The following PGK1 variants were observed in gnomAD, a reference collection of about 807,000 sequenced individuals.
PGK1 encodes phosphoglycerate kinase 1.
In PGK1, 3 loss-of-function variants were observed where a neutral mutation model predicts 26.9. The observed-to-expected ratio is 0.11, with a 90% CI of 0.05 to 0.29. PGK1 has a LOEUF of 0.29. Ranked by LOEUF, PGK1 falls within the 10% of genes least tolerant of loss-of-function variation. PGK1 has a pLI of 1.00. For missense variants in PGK1, 270 were observed against 314.7 expected (o/e 0.86, Z 1.07); for synonymous variants, 125 against 115.3 (o/e 1.08, Z -0.54).
intron 6 of PGK1, among the ~76,000 whole-genome samples, chrX:78,121,420 G>A (rs1440907121): frequency 8.9e-6 from 1 of 112,190 alleles, no homozygotes; most frequent in Non-Finnish European, 1.9e-5. Context: ...GTGTGTGTGT[G>A]TGTGTATTTA....
rs973557946 is a variant in PGK1 at position 78,126,020 on chromosome X, A to C, written c.*190A>C. 2 of 477,628 alleles carry C rather than the reference A, an allele frequency of 4.2e-6. No individual in the cohort carries two copies. The highest frequency in any genetic ancestry group is 4.7e-5 in the African/African-American group (2 of 42,427). 39.4% of individuals were successfully genotyped at this position (477,628 alleles called of 1,213,427 possible). A position where few individuals can be genotyped will look rare whatever the true frequency, so the allele number is the denominator to read the frequency against. On this transcript the variant is annotated 3_prime_UTR_variant, in exon 11 of 11. Transcript: ENST00000373316. ...TTCACTGCACCCTGGATTTGCATAC[A>C]TTCTTCAAGATCCCATTTGAATTTT...
intron 8 of PGK1, 124 bp downstream of exon 8, chrX:78,123,498 C>T (rs1234891569): frequency 5.1e-5 from 29 of 569,269 alleles, no homozygotes; most frequent in Non-Finnish European, 6.9e-5. Context: ...TCAGAGAGGG[C>T]TCTGCATGTT....
In PGK1 at chrX:78,113,937, G is replaced by A. The variant is rs202119473; in HGVS notation, c.272+38G>A. Reference sequence around the variant, plus strand: ...CTCTGGTGCTGGTAGACTTTGTGGCGGGGGAAGTTGTCAAGCACGTTGTTA... The same window carrying A: ...CTCTGGTGCTGGTAGACTTTGTGGCAGGGGAAGTTGTCAAGCACGTTGTTA... On this transcript the variant is annotated intron_variant, in intron 3 of 10. Coordinates refer to ENST00000373316, the MANE Select transcript of PGK1 (RefSeq NM_000291.4). The A allele has an allele frequency of 1.5e-5, 18 of 1,205,096 alleles. No homozygotes were observed. In the African/African-American group the frequency reaches 1.9e-4, roughly 13 times the overall value.
At chrX:78,112,142 C>G (rs1438276494) in intron 2 of PGK1, among the ~76,000 whole-genome samples, 1 of 111,666 alleles carries the variant, frequency 9.0e-6, no homozygotes, top group African/African-American at 3.3e-5. Context: ...CATTTTTGTC[C>G]TCAAAAGTAG....
Position 78,118,129 on chromosome X carries a change from C to T in PGK1, c.600C>T (p.Ala200=). The T allele has an allele frequency of 1.7e-6, 2 of 1,209,898 alleles. No individual in the cohort carries two copies. The highest frequency in any genetic ancestry group is 2.2e-6 in the Non-Finnish European group (2 of 894,187). Reference sequence around the variant, plus strand: ...AGGAGCTGAACTACTTTGCAAAGGCCTTGGAGAGCCCAGAGCGACCCTTCC... The same window carrying T: ...AGGAGCTGAACTACTTTGCAAAGGCTTTGGAGAGCCCAGAGCGACCCTTCC... ...MKKELNYFAK[A]LESPERPFLA... The change falls in exon 6 of 11, where the codon GCC becomes GCT. Residue 200 remains alanine, a synonymous_variant. Transcript: ENST00000373316.
At chrX:78,120,526 A>T (rs1428105591) in intron 6 of PGK1, among the ~76,000 whole-genome samples, 1 of 108,649 alleles carries the variant, frequency 9.2e-6, no homozygotes, top group Non-Finnish European at 1.9e-5. Context: ...ACAGGGTCTC[A>T]CTCTGCTGCC....
intron 2 of PGK1, among the ~76,000 whole-genome samples, chrX:78,110,950 T>C (rs2149130811): frequency 9.6e-6 from 1 of 104,097 alleles, no homozygotes; most frequent in East Asian, 3.1e-4. Flanking sequence ...TTACTTTCTT[T>C]TTAATTTTTT....
chrX:78,121,566 C>T (rs184374178), intron 6 of PGK1, among the ~76,000 whole-genome samples: 96 of 112,496 alleles, frequency 8.5e-4, no homozygotes, highest in African/African-American at 3.0e-3. Flanking sequence ...TAGGGTTTCT[C>T]ACTGGATAGG....
At chrX:78,112,911 G>A (rs188883885) in intron 2 of PGK1, among the ~76,000 whole-genome samples, 23 of 112,374 alleles carry the variant, frequency 2.0e-4, no homozygotes, top group Non-Finnish European at 3.4e-4. Context: ...ATTGTCTGCA[G>A]TGTTTCTGCC....
chrX:78,125,038 C>T lies in PGK1; in HGVS notation c.1101C>T (p.Cys367=). 1 of 1,206,794 alleles carries T rather than the reference C, an allele frequency of 8.3e-7. No homozygotes were observed. Among genetic ancestry groups the T allele is most frequent in the South Asian group, 1.8e-5 (1 of 56,857 alleles). Residue 367 remains cysteine, a synonymous_variant, in exon 9 of 11, where the codon TGC becomes TGT. Coordinates refer to ENST00000373316, the MANE Select transcript of PGK1 (RefSeq NM_000291.4). ...TGGTGAAAGCCACTTCTAGGGGCTGCATCACCATCATAGGTAAGCGGTCCT... is the reference window on the plus strand; with the variant it reads ...TGGTGAAAGCCACTTCTAGGGGCTGTATCACCATCATAGGTAAGCGGTCCT... ...DEVVKATSRG[C]ITIIGGGDTA...
rs781945022 is a variant in PGK1, at chrX:78,116,784, C to T, written c.418-528C>T. Among the ~76,000 whole-genome samples, 3 of 112,093 alleles carry T rather than the reference C, an allele frequency of 2.7e-5. No individual in the cohort carries two copies. The East Asian group carries it at 8.4e-4, about 31-fold the overall frequency. ...AGAAGGTCATAAAATACCTTTTTGTCAATGTGAAGTGTTTCTGAGGTTCTT... is the reference window on the plus strand; with the variant it reads ...AGAAGGTCATAAAATACCTTTTTGTTAATGTGAAGTGTTTCTGAGGTTCTT... On this transcript the variant is annotated intron_variant, in intron 4 of 10. Transcript: ENST00000373316.
chrX:78,113,445 C>G (rs937228282), intron 2 of PGK1, among the ~76,000 whole-genome samples: 2 of 112,004 alleles, frequency 1.8e-5, no homozygotes, highest in Non-Finnish European at 3.8e-5. Context: ...AGCCAAGTTC[C>G]CAGATACCAG....
intron 2 of PGK1, among the ~76,000 whole-genome samples, chrX:78,111,468 C>T (rs781833270): frequency 8.9e-6 from 1 of 111,948 alleles, no homozygotes; most frequent in Non-Finnish European, 1.9e-5. Context: ...ACAATGTGAG[C>T]CAAATTGTGT....
intron 6 of PGK1, among the ~76,000 whole-genome samples, chrX:78,120,994 C>G (rs1369740263): frequency 2.7e-5 from 3 of 111,993 alleles, no homozygotes; most frequent in African/African-American, 9.7e-5. Flanking sequence ...ATGATATTTC[C>G]TTTGAGCTCA....
chrX:78,125,649 C>A (rs782669092), intron 10 of PGK1, 141 bp from the exon 11 acceptor site: 159 of 619,493 alleles, frequency 2.6e-4, no homozygotes, highest in Non-Finnish European at 4.3e-4. Context: ...ACCTGGAATC[C>A]ACAATGTAAA....
Position 78,118,128 on chromosome X carries a change from C to T in PGK1, c.599C>T (p.Ala200Val), listed in dbSNP as rs1424861143. Residue 200 changes from alanine to valine, a missense_variant, in exon 6 of 11, where the codon GCC becomes GTC. Transcript: ENST00000373316. ...MKKELNYFAK[A>V]LESPERPFLA... ...AAGGAGCTGAACTACTTTGCAAAGG[C>T]CTTGGAGAGCCCAGAGCGACCCTTC... 1 of 1,209,261 alleles carries T rather than the reference C, an allele frequency of 8.3e-7. No individual in the cohort carries two copies. The highest frequency in any genetic ancestry group is 1.7e-5 in the African/African-American group (1 of 57,666).
chrX:78,104,486 GCTCTAAGTT>G, intron 1 of PGK1, 81 bp downstream of exon 1: 1 of 776,440 alleles, frequency 1.3e-6, no homozygotes, highest in Non-Finnish European at 2.0e-6. Context: ...TCTCTCGTCT[GCTCTAAGTT>G]CTTTTAGCTT....
chrX:78,104,560 G>A (rs782061588), intron 1 of PGK1, among the ~76,000 whole-genome samples, 155 bp downstream of exon 1: 1 of 111,335 alleles, frequency 9.0e-6, no homozygotes, highest in South Asian at 3.8e-4. Flanking sequence ...CACGGGTTTG[G>A]TGGTTTCTAG....
chrX:78,120,792 C>T (rs2078351245), intron 6 of PGK1, among the ~76,000 whole-genome samples: 1 of 112,053 alleles, frequency 8.9e-6, no homozygotes, highest in African/African-American at 3.2e-5. Flanking sequence ...TTGTGCCCTG[C>T]TGTCAGGAAT....
Sources: allele counts gnomAD v4.1 joint callset (sites outside exome capture counted in the v4.1 genomes callset), GRCh38; gene constraint gnomAD v4.1.1; transcripts MANE v1.5; gene names NCBI Gene and HGNC (gene_info 2026-07-23, HGNC 2026-07-21).